Variants in COL5A2 observed in about 807,000 individuals in gnomAD.
COL5A2 encodes the protein collagen alpha-2(V) chain.
A neutral mutation model predicts 208.2 loss-of-function variants in COL5A2; 23 were observed. That is an observed-to-expected ratio of 0.11 (90% CI 0.08 to 0.16). The LOEUF (loss-of-function observed/expected upper bound fraction) is 0.16. Ranked by LOEUF, COL5A2 falls within the 10% of genes least tolerant of loss-of-function variation. The probability of loss-of-function intolerance (pLI) is 1.00; values close to 1 mark genes in which losing one functional copy is unlikely to be tolerated. For synonymous variants in COL5A2, 625 were observed against 628.5 expected, an observed-to-expected ratio of 0.99 and a Z score of 0.08; for missense variants, 1,590 against 1,956.4, an observed-to-expected ratio of 0.81 and a Z score of 3.53.
At chr2:189,270,195 C>CATTGAT in the COL5A2 span, among the ~76,000 whole-genome samples, 1 of 152,050 alleles carries the variant, frequency 6.6e-6, no homozygotes, top group African/African-American at 2.4e-5. Context: ...CTCCTGGATT[C>CATTGAT]ATTGATTTTT....
At chr2:189,261,660 A>G in the COL5A2 span, among the ~76,000 whole-genome samples, 1 of 152,202 alleles carries the variant, frequency 6.6e-6, no homozygotes, top group Non-Finnish European at 1.5e-5. Flanking sequence ...TGTTCTTTCA[A>G]CTTGTAATAC....
intron 1 of COL5A2, among the ~76,000 whole-genome samples, chr2:189,224,509 C>T (rs189640339): frequency 3.3e-5 from 5 of 151,784 alleles, no homozygotes; most frequent in African/African-American, 4.8e-5. Flanking sequence ...ACCAACATGG[C>T]AAAACCCTGT....
intron 1 of COL5A2, among the ~76,000 whole-genome samples, chr2:189,122,574 A>G (rs573952098): frequency 6.6e-6 from 1 of 152,252 alleles, no homozygotes; most frequent in Admixed American, 6.5e-5. Flanking sequence ...CTCTCATCTC[A>G]CCTTATCCGT....
chr2:189,170,827 T>C (rs1463814840), intron 1 of COL5A2, among the ~76,000 whole-genome samples: 2 of 151,930 alleles, frequency 1.3e-5, no homozygotes, highest in East Asian at 1.9e-4. Context: ...TTGGAATAAA[T>C]TGTTAATGTT....
At chr2:189,329,420 T>C in the COL5A2 span, among the ~76,000 whole-genome samples, 1 of 152,194 alleles carries the variant, frequency 6.6e-6, no homozygotes, top group East Asian at 1.9e-4. Context: ...ATGGTGACTA[T>C]AGTTAATAAT....
At position 189,053,434 on chromosome 2, in the gene COL5A2, G is replaced by T. The variant is rs1685834075; in HGVS notation, c.2543C>A (p.Ala848Asp). The T allele has an allele frequency of 6.2e-7, 1 of 1,613,582 alleles. No individual in the cohort carries two copies. Among genetic ancestry groups the T allele is most frequent in the African/African-American group, 1.3e-5 (1 of 74,986 alleles). Reference protein sequence around the residue: ...ENGPTGAVGFAGPQGPDGQPG... With the variant: ...ENGPTGAVGFDGPQGPDGQPG... ...ATTTGAAAATTATACCTGGGGTCCGGCAAAACCAACAGCTCCAGTTGGCCC... is the reference window on the plus strand; with the variant it reads ...ATTTGAAAATTATACCTGGGGTCCGTCAAAACCAACAGCTCCAGTTGGCCC... Residue 848 changes from alanine to aspartate, a missense_variant, in exon 38 of 54, where the codon GCC (alanine) becomes GAC (aspartate). By Grantham distance (126) the Ala-to-Asp change is moderately radical. Transcript: ENST00000374866.
the COL5A2 span, among the ~76,000 whole-genome samples, chr2:189,409,038 C>T: frequency 1.3e-5 from 2 of 152,156 alleles, no homozygotes; most frequent in East Asian, 3.9e-4. Context: ...ATTTTTCACT[C>T]CATGGCATTT....
the COL5A2 span, among the ~76,000 whole-genome samples, chr2:189,441,030 C>G: frequency 2.0e-5 from 3 of 152,266 alleles, no homozygotes; most frequent in African/African-American, 7.2e-5. Flanking sequence ...TACCTTTCCA[C>G]CCAATAACTC....
chr2:189,053,149 C>G, intron 38 of COL5A2, 131 bp from the exon 39 acceptor site: 1 of 836,700 alleles, frequency 1.2e-6, no homozygotes, highest in African/African-American at 1.7e-5. Flanking sequence ...TTAAAGCATA[C>G]TAAAGGAAAA....
chr2:189,062,831 T>C (rs1329005127), intron 29 of COL5A2, 34 bp downstream of exon 29: 1 of 1,612,844 alleles, frequency 6.2e-7, no homozygotes, highest in Non-Finnish European at 8.5e-7. Flanking sequence ...TGTATATATA[T>C]ATTCTCACAC....
the COL5A2 span, among the ~76,000 whole-genome samples, chr2:189,440,591 T>G: frequency 6.6e-6 from 1 of 152,248 alleles, no homozygotes; most frequent in Non-Finnish European, 1.5e-5. Context: ...GAGACCTTGG[T>G]AATTTTGTGG....
chr2:189,178,659 T>G (rs979723314), intron 1 of COL5A2, among the ~76,000 whole-genome samples: 3 of 139,176 alleles, frequency 2.2e-5, no homozygotes, highest in African/African-American at 8.2e-5. Context: ...AACTGTAACA[T>G]ATGAAAATTG....
At chr2:189,415,332 G>A in the COL5A2 span, among the ~76,000 whole-genome samples, 1,903 of 151,970 alleles carry the variant, frequency 0.013, 30 homozygotes, top group African/African-American at 0.044. Flanking sequence ...TTATAATTTT[G>A]AATTTTCTTG....
At chr2:189,264,017 TTAAG>T in the COL5A2 span, among the ~76,000 whole-genome samples, 1 of 152,112 alleles carries the variant, frequency 6.6e-6, no homozygotes, top group Non-Finnish European at 1.5e-5. Context: ...AAGTTTTAAA[TTAAG>T]TATGTTCTCT....
the COL5A2 span, among the ~76,000 whole-genome samples, chr2:189,257,800 T>C: frequency 1.9e-3 from 294 of 152,270 alleles, no homozygotes; most frequent in Non-Finnish European, 3.2e-3. Context: ...CCTTTTTACC[T>C]ATACAATACT....
intron 5 of COL5A2, among the ~76,000 whole-genome samples, chr2:189,098,389 C>T (rs1686965694): frequency 6.6e-6 from 1 of 152,190 alleles, no homozygotes; most frequent in African/African-American, 2.4e-5. Flanking sequence ...AACTAGCCTA[C>T]CATTAATCAT....
At position 189,078,047 on chromosome 2, in the gene COL5A2, G is replaced by A. The variant is rs78161014; in HGVS notation, c.1059+469C>T. The stretch of plus-strand genomic sequence containing the variant: ...ATCTGTATAATTAAAATGAATCAAG[G>A]ACAGGTGATCAGGAGGCTCACATCT... On this transcript the variant is annotated intron_variant, in intron 16 of 53. Transcript: ENST00000374866. Among the ~76,000 whole-genome samples the A allele has an allele frequency of 7.1e-3, 1,074 of 152,218 alleles. 13 individuals are homozygous for A. The highest frequency in any genetic ancestry group is 0.024 in the African/African-American group (992 of 41,532).
At chr2:189,113,559 A>G (rs1466256996) in intron 1 of COL5A2, among the ~76,000 whole-genome samples, 1 of 149,584 alleles carries the variant, frequency 6.7e-6, no homozygotes, top group Non-Finnish European at 1.5e-5. Context: ...TTATATATAT[A>G]ACATTGTGGA....
intron 7 of COL5A2, among the ~76,000 whole-genome samples, chr2:189,091,044 G>T (rs1233080384): frequency 6.6e-6 from 1 of 152,144 alleles, no homozygotes. Flanking sequence ...TTCTGGAAAG[G>T]ATTTATCATT....
Sources: allele counts gnomAD v4.1 joint callset (sites outside exome capture counted in the v4.1 genomes callset), GRCh38; gene constraint gnomAD v4.1.1; transcripts MANE v1.5; gene names NCBI Gene and HGNC (gene_info 2026-07-23, HGNC 2026-07-21).